The following AKAP19 variants were observed in gnomAD, a reference collection of about 807,000 sequenced individuals.
AKAP19 encodes the protein A-kinase anchoring protein 19, also known as small A-kinase anchoring protein.
the AKAP19 span, among the ~76,000 whole-genome samples, chr2:190,143,659 T>C: frequency 6.6e-6 from 1 of 151,500 alleles, no homozygotes; most frequent in African/African-American, 2.4e-5. Flanking sequence ...GACCCAGCCA[T>C]CCCATTACTG....
chr2:190,197,413 C>T, the AKAP19 span, among the ~76,000 whole-genome samples: 1 of 152,310 alleles, frequency 6.6e-6, no homozygotes, highest in African/African-American at 2.4e-5. This position sits in a 1 kb window ranked among gnomAD's most constrained non-coding sequence, Gnocchi z 4.0. Context: ...AGGAAGTAAT[C>T]GTTTGCTAAC....
chr2:189,950,045 T>TTTTGA, the AKAP19 span, among the ~76,000 whole-genome samples: 1 of 147,288 alleles, frequency 6.8e-6, no homozygotes, highest in African/African-American at 2.5e-5. Flanking sequence ...TTTTTTTTTT[T>TTTTGA]GAGATGAAGT....
chr2:189,930,083 A>G, the AKAP19 span, among the ~76,000 whole-genome samples: 1 of 152,252 alleles, frequency 6.6e-6, no homozygotes, highest in East Asian at 1.9e-4. Flanking sequence ...ATACCATCCT[A>G]CTTTTCTCTC....
the AKAP19 span, chr2:190,180,877 G>A: frequency 4.1e-6 from 4 of 985,202 alleles, no homozygotes; most frequent in African/African-American, 7.0e-5. This position sits in a 1 kb window ranked among gnomAD's most constrained non-coding sequence, Gnocchi z 6.8. Context: ...GCTGCCACTT[G>A]GCTGAGCCGG....
chr2:190,012,523 A>C, the AKAP19 span, among the ~76,000 whole-genome samples: 2 of 152,178 alleles, frequency 1.3e-5, no homozygotes, highest in Admixed American at 6.5e-5. Flanking sequence ...TGATGGAGCT[A>C]TTAGGGTTTT....
chr2:189,900,218 A>AT, the AKAP19 span, among the ~76,000 whole-genome samples: 2 of 152,168 alleles, frequency 1.3e-5, no homozygotes, highest in African/African-American at 2.4e-5. Flanking sequence ...AATGAAATGC[A>AT]TTTTTCAAAA....
At chr2:190,044,348 T>C in the AKAP19 span, among the ~76,000 whole-genome samples, 1 of 152,164 alleles carries the variant, frequency 6.6e-6, no homozygotes, top group Non-Finnish European at 1.5e-5. Flanking sequence ...GGAGTGTCTT[T>C]GTGCTGTGGA....
the AKAP19 span, among the ~76,000 whole-genome samples, chr2:189,987,230 G>A: frequency 1.3e-5 from 2 of 152,164 alleles, no homozygotes; most frequent in Non-Finnish European, 2.9e-5. Flanking sequence ...ATGGGTTTAT[G>A]AGGGGGTTTC....
chr2:190,079,133 T>G, the AKAP19 span: 12 of 152,212 alleles, frequency 7.9e-5, no homozygotes, highest in African/African-American at 2.9e-4. Context: ...CCCTTTTGGG[T>G]AGTTAATAGG....
At chr2:190,097,159 T>C in the AKAP19 span, among the ~76,000 whole-genome samples, 4 of 152,168 alleles carry the variant, frequency 2.6e-5, no homozygotes, top group Non-Finnish European at 5.9e-5. Flanking sequence ...GCTGCATAGA[T>C]CAACCCATCA....
the AKAP19 span, among the ~76,000 whole-genome samples, chr2:189,917,014 G>A: frequency 6.6e-6 from 1 of 152,008 alleles, no homozygotes; most frequent in African/African-American, 2.4e-5. Context: ...TGGGGGTGGG[G>A]ATACTAAATG....
chr2:190,071,857 A>G, the AKAP19 span, among the ~76,000 whole-genome samples: 2 of 152,296 alleles, frequency 1.3e-5, no homozygotes, highest in Admixed American at 1.3e-4. Flanking sequence ...AATGCTAACA[A>G]AAAAGAACTG....
the AKAP19 span, among the ~76,000 whole-genome samples, chr2:189,907,371 C>T: frequency 1.0e-3 from 155 of 152,276 alleles, no homozygotes; most frequent in African/African-American, 3.6e-3. Flanking sequence ...GCTATTCCTT[C>T]TGGAATGCTC....
the AKAP19 span, among the ~76,000 whole-genome samples, chr2:190,171,906 C>T: frequency 6.6e-6 from 1 of 152,210 alleles, no homozygotes. Context: ...GTTCATGCCA[C>T]TGATCTCTAC....
chr2:189,886,753 A>G, the AKAP19 span, among the ~76,000 whole-genome samples: 1 of 152,268 alleles, frequency 6.6e-6, no homozygotes, highest in South Asian at 2.1e-4. Context: ...AGGGAAGAAA[A>G]GGATAGAGGT....
chr2:190,017,302 C>G, the AKAP19 span, among the ~76,000 whole-genome samples: 1 of 152,042 alleles, frequency 6.6e-6, no homozygotes, highest in Non-Finnish European at 1.5e-5. Context: ...TAATGGCATA[C>G]TACTGCTATT....
the AKAP19 span, among the ~76,000 whole-genome samples, chr2:190,044,794 A>G: frequency 6.6e-6 from 1 of 152,238 alleles, no homozygotes; most frequent in Non-Finnish European, 1.5e-5. Context: ...GAAGGCTGTG[A>G]AACAGCAAAG....
At chr2:190,001,641 G>C in the AKAP19 span, among the ~76,000 whole-genome samples, 2 of 152,082 alleles carry the variant, frequency 1.3e-5, no homozygotes, top group Non-Finnish European at 2.9e-5. Context: ...ACCATCAATT[G>C]GCAGAGATTA....
the AKAP19 span, among the ~76,000 whole-genome samples, chr2:190,124,568 G>T: frequency 6.6e-6 from 1 of 152,146 alleles, no homozygotes; most frequent in Non-Finnish European, 1.5e-5. Context: ...AAATTAGCCA[G>T]GCATGGTCAT....
Sources: allele counts gnomAD v4.1 joint callset (sites outside exome capture counted in the v4.1 genomes callset), GRCh38; gene constraint gnomAD v4.1.1; non-coding constraint Gnocchi (gnomAD v3.1); transcripts MANE v1.5; gene names NCBI Gene and HGNC (gene_info 2026-07-23, HGNC 2026-07-21).